COL4A5: variants seen among roughly 807,000 people sequenced by gnomAD.
COL4A5 encodes the protein collagen alpha-5(IV) chain.
COL4A5 carries 26 observed loss-of-function variants against 130.2 expected under a neutral mutation model. The observed-to-expected ratio is 0.20, with a 90% CI of 0.15 to 0.28. The LOEUF (loss-of-function observed/expected upper bound fraction) is 0.28, where lower values mean the gene tolerates loss of function less well. Ranked by LOEUF, COL4A5 falls within the 10% of genes least tolerant of loss-of-function variation. COL4A5 has a pLI of 1.00. For synonymous variants in COL4A5, 496 were observed against 439.6 expected (o/e 1.13, Z -1.60); for missense variants, 1,131 against 1,344.3 (o/e 0.84, Z 2.48).
At chrX:108,467,435 G>A (rs1385987948) in intron 1 of COL4A5, among the ~76,000 whole-genome samples, 2 of 111,821 alleles carry the variant, frequency 1.8e-5, no homozygotes, top group Admixed American at 9.5e-5. Flanking sequence ...GAAAGTGTGT[G>A]TCTTCCAGCT....
At chrX:108,550,071 G>A (rs1052809021) in intron 2 of COL4A5, among the ~76,000 whole-genome samples, 2 of 111,732 alleles carry the variant, frequency 1.8e-5, no homozygotes, top group Admixed American at 9.5e-5. Context: ...TTCCAGAAGA[G>A]TTTACTGATG....
chrX:108,625,770 A>G lies in COL4A5; in HGVS notation c.3082A>G (p.Thr1028Ala), dbSNP rs1172185749. 7.5e-6 allele frequency: 9 copies of G among 1,204,022 alleles called. No individual in the cohort carries two copies. The highest frequency in any genetic ancestry group is 3.5e-5 in the South Asian group (2 of 56,759). Residue 1028 changes from threonine to alanine, a missense_variant, in exon 35 of 53, where the codon ACC becomes GCC. Thr to Ala is a moderately conservative substitution (Grantham distance 58). Transcript: ENST00000328300. Reference protein sequence around the residue: ...GLIGPPGLKGTIGDMGFPGPQ... With the variant: ...GLIGPPGLKGAIGDMGFPGPQ... ...TATAGGACCTCCTGGACTTAAAGGA[A>G]CCATCGGTGATATGGGTTTTCCAGG...
Position 108,624,247 on chromosome X carries a change from G to A in COL4A5, c.2929G>A (p.Val977Ile), listed in dbSNP as rs1454030818. The A allele has an allele frequency of 8.3e-7, 1 of 1,209,358 alleles. No individual in the cohort carries two copies. ...CTCATTCTTGGAAGGTATACCTGGA[G>A]TTTCAGGGCCAAAAGGTTATCAGGG... is the stretch of plus-strand genomic sequence containing the variant. ...GEPGLPGIPG[V>I]SGPKGYQGLP... is the part of the protein sequence containing the mutation. Residue 977 changes from valine to isoleucine, a missense_variant, in exon 34 of 53, where the codon GTT becomes ATT. Val to Ile is a conservative substitution (Grantham distance 29, BLOSUM62 3). Transcript: ENST00000328300.
intron 1 of COL4A5, among the ~76,000 whole-genome samples, chrX:108,493,461 A>C (rs1285964632): frequency 8.9e-6 from 1 of 111,801 alleles, no homozygotes; most frequent in Non-Finnish European, 1.9e-5. Context: ...AGGTAAGTTA[A>C]CTTTTTTCTT....
At chrX:108,558,938 T>G (rs1282859687) in intron 2 of COL4A5, 126 bp from the exon 3 acceptor site, 5 of 584,238 alleles carry the variant, frequency 8.6e-6, no homozygotes, top group Non-Finnish European at 1.5e-5. Flanking sequence ...TAGTAGATAC[T>G]GTGAATTTAC....
chrX:108,568,171 C>T (rs1212334877), intron 4 of COL4A5, among the ~76,000 whole-genome samples: 5 of 111,627 alleles, frequency 4.5e-5, no homozygotes, highest in Non-Finnish European at 9.4e-5. Context: ...ACTTTTTCAC[C>T]ATAGTCTCAC....
chrX:108,534,234 G>A (rs922643819), intron 1 of COL4A5, among the ~76,000 whole-genome samples: 1 of 111,000 alleles, frequency 9.0e-6, no homozygotes, highest in African/African-American at 3.3e-5. Flanking sequence ...TCCACTACTA[G>A]GTATCTATCC....
chrX:108,578,540 A>G (rs939686648), intron 13 of COL4A5, among the ~76,000 whole-genome samples, 157 bp downstream of exon 13: 10 of 111,871 alleles, frequency 8.9e-5, no homozygotes, highest in African/African-American at 3.3e-4. Flanking sequence ...ATACCTCAAT[A>G]AAGCTGAAAA....
chrX:108,485,310 G>T (rs1052672092), intron 1 of COL4A5, among the ~76,000 whole-genome samples: 1 of 111,745 alleles, frequency 8.9e-6, no homozygotes, highest in Non-Finnish European at 1.9e-5. Flanking sequence ...GGCAGAGTTG[G>T]TACCTAAAGT....
intron 1 of COL4A5, among the ~76,000 whole-genome samples, chrX:108,448,957 C>A (rs1186367407): frequency 2.7e-5 from 3 of 111,757 alleles, no homozygotes; most frequent in African/African-American, 9.8e-5. Flanking sequence ...ACTGCAATGC[C>A]CACTAGAAAG....
chrX:108,687,742 T>C (rs1382547415), intron 49 of COL4A5, 48 bp downstream of exon 49: 7 of 1,132,123 alleles, frequency 6.2e-6, no homozygotes, highest in Non-Finnish European at 3.6e-6. Context: ...TGTTTTTGTT[T>C]CAGAAATCCT....
chrX:108,650,932 T>TA (rs1179287890), intron 36 of COL4A5, among the ~76,000 whole-genome samples: 24 of 109,504 alleles, frequency 2.2e-4, no homozygotes, highest in Non-Finnish European at 1.9e-4. Context: ...ATGGAAAAAT[T>TA]AAAAAAAACA....
intron 1 of COL4A5, among the ~76,000 whole-genome samples, chrX:108,494,887 A>G (rs988213874): frequency 5.4e-5 from 6 of 111,470 alleles, no homozygotes; most frequent in African/African-American, 2.0e-4. Context: ...TGGGTTAGAA[A>G]AAGATGCTTA....
At chrX:108,473,161 A>G (rs1313703814) in intron 1 of COL4A5, among the ~76,000 whole-genome samples, 1 of 112,043 alleles carries the variant, frequency 8.9e-6, no homozygotes, top group Non-Finnish European at 1.9e-5. Context: ...ATATAAAAGT[A>G]TAGTACATAC....
At chrX:108,647,586 C>G (rs1427120286) in intron 36 of COL4A5, among the ~76,000 whole-genome samples, 3 of 111,386 alleles carry the variant, frequency 2.7e-5, no homozygotes, top group African/African-American at 9.8e-5. Flanking sequence ...CTTCTCCTGC[C>G]TGATTGCCCT....
chrX:108,440,574 T>C (rs2064384404), intron 1 of COL4A5: 1 of 212,950 alleles, frequency 4.7e-6, no homozygotes, highest in Non-Finnish European at 8.4e-6. Context: ...ACTAACCTTT[T>C]CACTACTTGT....
chrX:108,623,080 C>T (rs2067087921), intron 33 of COL4A5, among the ~76,000 whole-genome samples: 1 of 111,978 alleles, frequency 8.9e-6, no homozygotes, highest in Non-Finnish European at 1.9e-5. Flanking sequence ...TAGACTTAGG[C>T]AGTCAACTAC....
intron 34 of COL4A5, among the ~76,000 whole-genome samples, chrX:108,625,266 A>G (rs1274350389): frequency 2.7e-5 from 3 of 111,561 alleles, no homozygotes; most frequent in Admixed American, 9.5e-5. Flanking sequence ...GTACTAAACT[A>G]TATCATAACA....
chrX:108,487,878 T>TA (rs1359990585), intron 1 of COL4A5, among the ~76,000 whole-genome samples: 3 of 112,421 alleles, frequency 2.7e-5, no homozygotes, highest in Non-Finnish European at 5.6e-5. Flanking sequence ...GTGACTGAAA[T>TA]AAAATGGTAC....
Sources: allele counts gnomAD v4.1 joint callset (sites outside exome capture counted in the v4.1 genomes callset), GRCh38; gene constraint gnomAD v4.1.1; transcripts MANE v1.5; gene names NCBI Gene and HGNC (gene_info 2026-07-23, HGNC 2026-07-21).